Variants in AKTIP observed in about 807,000 individuals in gnomAD.
AKTIP encodes AKT interacting protein.
Under a neutral mutation model 39.1 loss-of-function variants are expected in AKTIP, and 16 were observed. That is an observed-to-expected ratio of 0.41 (90% CI 0.28 to 0.62). AKTIP has a LOEUF of 0.62. Ranked by LOEUF, AKTIP falls within the 20% of genes least tolerant of loss-of-function variation. AKTIP has a pLI of 0.32. For synonymous variants in AKTIP, 93 were observed against 124.3 expected (o/e 0.75, Z 1.67); for missense variants, 262 against 356.6 (o/e 0.73, Z 2.14).
At chr16:53,500,734 TATA>T (rs1962118945) in intron 1 of AKTIP, among the ~76,000 whole-genome samples, 1 of 152,174 alleles carries the variant, frequency 6.6e-6, no homozygotes, top group Non-Finnish European at 1.5e-5. Context: ...GGATATACAA[TATA>T]ATGTTATATA....
At chr16:53,492,926 C>A (rs950963046) in intron 8 of AKTIP, 173 bp from the exon 9 acceptor site, 6 of 605,806 alleles carry the variant, frequency 9.9e-6, no homozygotes, top group Non-Finnish European at 1.8e-5. Context: ...ATAACTATCC[C>A]TCATACATGA....
At chr16:53,498,841 A>T (rs1051176272) in intron 2 of AKTIP, among the ~76,000 whole-genome samples, 16 of 152,164 alleles carry the variant, frequency 1.1e-4, no homozygotes, top group Non-Finnish European at 1.9e-4. Context: ...AGGATGATAC[A>T]ATCAGTGTGT....
chr16:53,493,906 C>T, intron 8 of AKTIP: 2 of 502,204 alleles, frequency 4.0e-6, no homozygotes, highest in South Asian at 6.4e-5. Flanking sequence ...CCTGGGAAAC[C>T]AAAGTCACCA....
intron 1 of AKTIP, among the ~76,000 whole-genome samples, chr16:53,502,295 T>G (rs1962212422): frequency 6.6e-6 from 1 of 152,164 alleles, no homozygotes; most frequent in African/African-American, 2.4e-5. Flanking sequence ...AGCATACATG[T>G]TCTGAGAGGA....
intron 9 of AKTIP, 67 bp downstream of exon 9, chr16:53,492,626 C>A: frequency 6.2e-7 from 1 of 1,603,132 alleles, no homozygotes; most frequent in South Asian, 1.1e-5. Context: ...AATGAGCAGT[C>A]TCCAAATGAA....
chr16:53,498,312 T>C (rs1961962978), intron 3 of AKTIP, 79 bp downstream of exon 3: 1 of 1,432,426 alleles, frequency 7.0e-7, no homozygotes, highest in Admixed American at 1.7e-5. Context: ...TGCCCTTTAC[T>C]GCATCCATCA....
chr16:53,499,132 A>G (rs570590191), intron 2 of AKTIP, among the ~76,000 whole-genome samples: 98 of 152,338 alleles, frequency 6.4e-4, no homozygotes, highest in African/African-American at 2.3e-3. Flanking sequence ...CAACATTTCA[A>G]ATATCACCAG....
chr16:53,500,411 T>G, intron 1 of AKTIP, 82 bp from the exon 2 acceptor site: 1 of 857,618 alleles, frequency 1.2e-6, no homozygotes, highest in Non-Finnish European at 1.7e-6. Context: ...GGAGTCTCAC[T>G]CTGTTGCCCA....
intron 8 of AKTIP, chr16:53,493,770 G>C (rs1961648454): frequency 4.4e-6 from 1 of 227,590 alleles, no homozygotes; most frequent in African/African-American, 2.3e-5. Context: ...ACACTATTCA[G>C]TTTCCCTCCT....
intron 5 of AKTIP, 93 bp downstream of exon 5, chr16:53,494,980 G>A (rs1183894214): frequency 1.8e-6 from 2 of 1,138,978 alleles, no homozygotes; most frequent in South Asian, 1.3e-5. Context: ...AATCATAAAG[G>A]TACCAGGTCA....
Position 53,499,201 on chromosome 16 carries a change from C to T in AKTIP, c.43-605G>A, listed in dbSNP as rs142829563. ...CGACATGAGTCAGAGACTAAACTAC[C>T]ATCTCATAGGTACTTCCTTGGCGCA... On this transcript the variant is annotated intron_variant, in intron 2 of 9. Transcript: ENST00000394657. Among the ~76,000 whole-genome samples the T allele has an allele frequency of 6.4e-3, 977 of 152,314 alleles. 12 individuals carry two copies. Among genetic ancestry groups the T allele is most frequent in the African/African-American group, 0.023 (939 of 41,566 alleles).
In AKTIP at chr16:53,494,001, G is replaced by A. The variant is rs1961668551; in HGVS notation, c.710+137C>T. On this transcript the variant is annotated intron_variant, in intron 8 of 9. Coordinates refer to ENST00000394657, the MANE Select transcript of AKTIP (RefSeq NM_022476.4). ...TCAAGAGGCATCAGAAATCGAGTTG[G>A]CACCAAGTTATAAAGGTTGTAGGCT... The A allele has an allele frequency of 6.2e-6, 4 of 645,232 alleles. No individual in the cohort carries two copies. In the Admixed American group the frequency reaches 1.1e-4, roughly 19 times the overall value. The allele number at this position is 645,232 out of a possible 1,614,324, so 40.0% of individuals were successfully genotyped here.
At chr16:53,503,253 CACCCCGCCCT>C (rs1424470431), upstream of AKTIP, 1 of 44,204 alleles carries the variant, frequency 2.3e-5, no homozygotes, top group African/African-American at 1.3e-4. Flanking sequence ...CGCCCCGCCC[CACCCCGCCCT>C]GCCCTGCCCT....
At chr16:53,500,014 A>G (rs1446918108) in intron 2 of AKTIP, among the ~76,000 whole-genome samples, 1 of 152,192 alleles carries the variant, frequency 6.6e-6, no homozygotes, top group Non-Finnish European at 1.5e-5. Context: ...AACGATTTCT[A>G]TTTGAGATGC....
chr16:53,501,299 A>G (rs550033234), intron 1 of AKTIP: 2 of 152,368 alleles, frequency 1.3e-5, no homozygotes, highest in South Asian at 4.1e-4. Context: ...AGGAACTGCC[A>G]AGCAATCCAG....
At chr16:53,498,313 G>T in intron 3 of AKTIP, 78 bp downstream of exon 3, 1 of 1,431,762 alleles carries the variant, frequency 7.0e-7, no homozygotes, top group Non-Finnish European at 9.8e-7. Flanking sequence ...GCCCTTTACT[G>T]CATCCATCAG....
chr16:53,497,790 C>G (rs1961930251), intron 3 of AKTIP, among the ~76,000 whole-genome samples: 1 of 152,228 alleles, frequency 6.6e-6, no homozygotes, highest in African/African-American at 2.4e-5. Context: ...CGCTTTATCG[C>G]CCAGGCTGGA....
chr16:53,493,513 G>T (rs968240073), intron 8 of AKTIP: 6 of 153,550 alleles, frequency 3.9e-5, no homozygotes, highest in African/African-American at 1.4e-4. Context: ...GGCCATATTG[G>T]TCAGGCTGGT....
chr16:53,500,026 A>G (rs1472728911), intron 2 of AKTIP, among the ~76,000 whole-genome samples, 192 bp downstream of exon 2: 1 of 152,202 alleles, frequency 6.6e-6, no homozygotes, highest in African/African-American at 2.4e-5. Flanking sequence ...TTGAGATGCA[A>G]TCCTAGTCTC....
Sources: gnomAD v4.1 joint callset for allele counts (sites outside exome capture counted in the v4.1 genomes callset) on GRCh38, gnomAD v4.1.1 for gene constraint, MANE v1.5 for transcripts, NCBI Gene and HGNC (gene_info 2026-07-23, HGNC 2026-07-21) for gene names.